Variants in HS6ST3 observed in about 807,000 individuals in gnomAD.
The protein encoded by HS6ST3 is heparan sulfate 6-O-sulfotransferase 3.
In HS6ST3, 12 loss-of-function variants were observed where a neutral mutation model predicts 36.7. The observed-to-expected ratio is 0.33, with a 90% CI of 0.21 to 0.53. The LOEUF (loss-of-function observed/expected upper bound fraction) is 0.53. HS6ST3 is among the 20% of genes least tolerant of loss of function. The probability of loss-of-function intolerance (pLI) is 0.95; values close to 1 mark genes in which losing one functional copy is unlikely to be tolerated. For synonymous variants in HS6ST3, 240 were observed against 257.5 expected (o/e 0.93, Z 0.65); for missense variants, 584 against 640.9 (o/e 0.91, Z 0.96).
Position 96,095,386 on chromosome 13 carries a change from A to G in HS6ST3, c.707+3817A>G, listed in dbSNP as rs1047527754. Among the ~76,000 whole-genome samples the G allele has an allele frequency of 3.3e-5, 5 of 152,250 alleles. No individual in the cohort carries two copies. The East Asian group carries it at 9.7e-4, about 29-fold the overall frequency. ...CATCATTTTGTAGGATAGAATGGCA[A>G]TTTTTCTCTTTTATAACGTGTATTC... On this transcript the variant is annotated intron_variant, in intron 1 of 1. Transcript: ENST00000376705.
chr13:96,123,443 A>G (rs1220930377), intron 1 of HS6ST3, among the ~76,000 whole-genome samples: 1 of 152,212 alleles, frequency 6.6e-6, no homozygotes, highest in Admixed American at 6.5e-5. Flanking sequence ...GACAAATGGT[A>G]TTATGAATGG....
intron 1 of HS6ST3, among the ~76,000 whole-genome samples, chr13:96,638,033 T>C (rs1253504787): frequency 6.6e-6 from 1 of 152,122 alleles, no homozygotes; most frequent in Non-Finnish European, 1.5e-5. Flanking sequence ...GAAACACTTG[T>C]AGCTTGTTCA....
chr13:96,721,736 T>A (rs1447250858), intron 1 of HS6ST3, among the ~76,000 whole-genome samples: 2 of 152,220 alleles, frequency 1.3e-5, no homozygotes, highest in Non-Finnish European at 2.9e-5. Context: ...GATAGCATTG[T>A]GCATTGGCCG....
chr13:96,558,508 C>A (rs2056249617), intron 1 of HS6ST3, among the ~76,000 whole-genome samples: 1 of 152,108 alleles, frequency 6.6e-6, no homozygotes, highest in South Asian at 2.1e-4. Flanking sequence ...TTTCACAAAC[C>A]ATTTATAGAT....
At chr13:96,265,769 G>T (rs1280627643) in intron 1 of HS6ST3, among the ~76,000 whole-genome samples, 3 of 152,070 alleles carry the variant, frequency 2.0e-5, no homozygotes, top group African/African-American at 7.2e-5. Context: ...TTCTCAGAAG[G>T]TTACTCATTT....
At chr13:96,157,104 G>A (rs1180947585) in intron 1 of HS6ST3, among the ~76,000 whole-genome samples, 1 of 152,096 alleles carries the variant, frequency 6.6e-6, no homozygotes, top group Non-Finnish European at 1.5e-5. Flanking sequence ...TACCTTGCAG[G>A]GCTCTGATGA....
intron 1 of HS6ST3, among the ~76,000 whole-genome samples, chr13:96,720,677 G>A (rs1201158974): frequency 1.3e-5 from 2 of 152,050 alleles, no homozygotes; most frequent in Non-Finnish European, 2.9e-5. Flanking sequence ...CAAAATAGAC[G>A]CAACATGTAC....
At chr13:96,235,816 A>C (rs2054531921) in intron 1 of HS6ST3, among the ~76,000 whole-genome samples, 1 of 152,168 alleles carries the variant, frequency 6.6e-6, no homozygotes, top group African/African-American at 2.4e-5. Context: ...TGGCTGTATT[A>C]GTCAGGGTTC....
rs182686655 is a variant in HS6ST3 at position 96,569,064 on chromosome 13, T to A, written c.708-263426T>A. ...ATGTCTCTGTGTTGCTTTATGGCTT[T>A]AAAACAGATATACTTTATTTTCTGA... On this transcript the variant is annotated intron_variant, in intron 1 of 1. Transcript: ENST00000376705. 2.6e-3 allele frequency among the ~76,000 whole-genome samples: 391 copies of A among 152,346 alleles called. 2 individuals carry two copies. The highest frequency in any genetic ancestry group is 8.8e-3 in the African/African-American group (368 of 41,594).
At chr13:96,558,657 T>C (rs1194411584) in intron 1 of HS6ST3, among the ~76,000 whole-genome samples, 5 of 152,312 alleles carry the variant, frequency 3.3e-5, no homozygotes, top group African/African-American at 1.2e-4. Flanking sequence ...TGGAATTTTT[T>C]TTGTTTTCTT....
intron 1 of HS6ST3, among the ~76,000 whole-genome samples, chr13:96,630,376 C>T (rs939668194): frequency 1.3e-5 from 2 of 152,102 alleles, no homozygotes; most frequent in South Asian, 2.1e-4. Context: ...TTTAATTATT[C>T]GCTATGCTTG....
chr13:96,700,068 T>C (rs936558764), intron 1 of HS6ST3, among the ~76,000 whole-genome samples: 6 of 152,178 alleles, frequency 3.9e-5, no homozygotes, highest in Non-Finnish European at 7.3e-5. Flanking sequence ...CCTAAACTAT[T>C]TTTCATCAGT....
intron 1 of HS6ST3, among the ~76,000 whole-genome samples, chr13:96,664,497 G>T (rs1242528606): frequency 6.6e-6 from 1 of 152,080 alleles, no homozygotes; most frequent in Admixed American, 6.6e-5. Flanking sequence ...TCTAACTTTA[G>T]CTGAATATTA....
rs190068833 is a variant in HS6ST3 at position 96,609,662 on chromosome 13, C to T, written c.708-222828C>T. Among the ~76,000 whole-genome samples, 36 of 152,262 alleles carry T rather than the reference C, an allele frequency of 2.4e-4. No individual in the cohort carries two copies. The East Asian group carries it at 6.8e-3, about 29-fold the overall frequency. Reference sequence around the variant, plus strand: ...TGTGCCAGATGATCCATCTGTAGCCCTCTCAGCTAGAGTTATGTATCTGCA... The same window carrying T: ...TGTGCCAGATGATCCATCTGTAGCCTTCTCAGCTAGAGTTATGTATCTGCA... On this transcript the variant is annotated intron_variant, in intron 1 of 1. Coordinates refer to ENST00000376705, the MANE Select transcript of HS6ST3 (RefSeq NM_153456.4).
chr13:96,690,063 T>C (rs1874908321), intron 1 of HS6ST3, among the ~76,000 whole-genome samples: 1 of 152,078 alleles, frequency 6.6e-6, no homozygotes, highest in Non-Finnish European at 1.5e-5. Flanking sequence ...GACTGGACAT[T>C]GCTAAGTCAT....
At chr13:96,322,316 G>A (rs935274834) in intron 1 of HS6ST3, among the ~76,000 whole-genome samples, 12 of 151,578 alleles carry the variant, frequency 7.9e-5, no homozygotes, top group African/African-American at 2.7e-4. Flanking sequence ...AGGCCGAGGC[G>A]GGCGGATCAC....
At chr13:96,421,072 C>T (rs2055559949) in intron 1 of HS6ST3, among the ~76,000 whole-genome samples, 1 of 152,128 alleles carries the variant, frequency 6.6e-6, no homozygotes, top group Non-Finnish European at 1.5e-5. Flanking sequence ...AGTTATGATG[C>T]CTCCTCTGGA....
At chr13:96,174,882 C>A (rs2054205244) in intron 1 of HS6ST3, among the ~76,000 whole-genome samples, 1 of 152,060 alleles carries the variant, frequency 6.6e-6, no homozygotes, top group Non-Finnish European at 1.5e-5. Context: ...AAATTTAGGC[C>A]ATGGCTTTTG....
intron 1 of HS6ST3, among the ~76,000 whole-genome samples, chr13:96,780,529 C>A (rs1041103061): frequency 1.3e-5 from 2 of 152,108 alleles, no homozygotes; most frequent in Non-Finnish European, 2.9e-5. Flanking sequence ...GGATTGGGGG[C>A]ATTTTGAGAA....
Sources: gnomAD v4.1 joint callset for allele counts (sites outside exome capture counted in the v4.1 genomes callset) on GRCh38, gnomAD v4.1.1 for gene constraint, MANE v1.5 for transcripts, NCBI Gene and HGNC (gene_info 2026-07-23, HGNC 2026-07-21) for gene names.